CNTNAP2: variants seen among roughly 807,000 people sequenced by gnomAD.
CNTNAP2 encodes the protein contactin associated protein 2, also known as contactin-associated protein-like 2.
A neutral mutation model predicts 155.2 loss-of-function variants in CNTNAP2; 98 were observed. That is an observed-to-expected ratio of 0.63 (90% CI 0.54 to 0.75). The LOEUF is 0.75. CNTNAP2 is among the 30% of genes least tolerant of loss of function. The pLI is 0.00. For missense variants in CNTNAP2, 1,727 were observed against 1,688.1 expected (o/e 1.02, Z -0.40); for synonymous variants, 651 against 631.2 (o/e 1.03, Z -0.47).
chr7:146,721,398 C>T (rs344469), intron 1 of CNTNAP2, among the ~76,000 whole-genome samples: 24,940 of 107,442 alleles, frequency 0.23, 5,603 homozygotes, highest in African/African-American at 0.65. Flanking sequence ...ATTCTATATA[C>T]ATTCTATATA....
chr7:148,061,317 T>C (rs1039105333), intron 15 of CNTNAP2, among the ~76,000 whole-genome samples: 1 of 152,196 alleles, frequency 6.6e-6, no homozygotes, highest in African/African-American at 2.4e-5. Flanking sequence ...TTCTTAAGTA[T>C]GTAAGATAGA....
intron 8 of CNTNAP2, among the ~76,000 whole-genome samples, chr7:147,217,872 G>A (rs540960796): frequency 1.3e-5 from 2 of 151,940 alleles, no homozygotes; most frequent in Admixed American, 1.3e-4. Flanking sequence ...TTATTAGATA[G>A]ATTTTATTTT....
chr7:147,271,067 T>G (rs1804738386), intron 8 of CNTNAP2, among the ~76,000 whole-genome samples: 1 of 151,954 alleles, frequency 6.6e-6, no homozygotes, highest in Admixed American at 6.6e-5. Context: ...CTCATTACAC[T>G]TTGGGTAACG....
chr7:146,920,323 A>T (rs1585158066), intron 3 of CNTNAP2, among the ~76,000 whole-genome samples: 1 of 152,216 alleles, frequency 6.6e-6, no homozygotes, highest in East Asian at 1.9e-4. Context: ...TTGAGGCAGG[A>T]GAATCACTTG....
chr7:146,272,337 C>T (rs1800095352), intron 1 of CNTNAP2, among the ~76,000 whole-genome samples: 1 of 152,152 alleles, frequency 6.6e-6, no homozygotes, highest in South Asian at 2.1e-4. Flanking sequence ...TCCACCCTGT[C>T]TCTCCAATGG....
At chr7:147,519,507 C>G (rs1374561086) in intron 11 of CNTNAP2, among the ~76,000 whole-genome samples, 1 of 152,220 alleles carries the variant, frequency 6.6e-6, no homozygotes, top group Non-Finnish European at 1.5e-5. Context: ...GCAGCAACAT[C>G]TTGGGAAGTC....
Position 146,116,974 on chromosome 7 carries a change from G to GT in CNTNAP2, c.97+2dup, listed in dbSNP as rs762640925. The GT allele has an allele frequency of 1.3e-6, 2 of 1,550,360 alleles. No individual in the cohort carries two copies. The highest frequency in any genetic ancestry group is 1.2e-5 in the South Asian group (1 of 84,058). On this transcript the variant is annotated splice_donor_variant, in intron 1 of 23. Transcript: ENST00000361727. LOFTEE classifies it high-confidence loss of function. This position sits in a 1 kb window ranked among gnomAD's most constrained non-coding sequence, Gnocchi z 5.5. ...GCCTGGACGGCTCCCTCCACGTCCC[G>GT]TAAGTAGCCGTCTCCTCGCTCTGCT... is the stretch of plus-strand genomic sequence containing the variant.
chr7:146,451,541 T>G (rs1475768618), intron 1 of CNTNAP2, among the ~76,000 whole-genome samples: 1 of 152,098 alleles, frequency 6.6e-6, no homozygotes, highest in Non-Finnish European at 1.5e-5. Flanking sequence ...GGCTGCACAT[T>G]AGGTATAGTG....
intron 15 of CNTNAP2, among the ~76,000 whole-genome samples, chr7:148,031,455 G>C (rs1313276447): frequency 6.6e-6 from 1 of 152,130 alleles, no homozygotes; most frequent in African/African-American, 2.4e-5. Flanking sequence ...AAATTAGGTG[G>C]GAAGTCCGCT....
chr7:147,065,592 A>G (rs1338826076), intron 4 of CNTNAP2, among the ~76,000 whole-genome samples: 1 of 152,204 alleles, frequency 6.6e-6, no homozygotes, highest in East Asian at 1.9e-4. Context: ...TTGTGTGGAT[A>G]AAGTTTTCCT....
At chr7:148,411,851 ATG>A (rs148431158) in intron 23 of CNTNAP2, among the ~76,000 whole-genome samples, 46 of 147,792 alleles carry the variant, frequency 3.1e-4, no homozygotes, top group African/African-American at 7.1e-4. Flanking sequence ...CAACTGACAT[ATG>A]TGTGTGTGTG....
At chr7:147,291,945 A>G (rs1360081272) in intron 8 of CNTNAP2, among the ~76,000 whole-genome samples, 3 of 152,048 alleles carry the variant, frequency 2.0e-5, no homozygotes, top group Non-Finnish European at 2.9e-5. Context: ...CATTTTTTCC[A>G]GTGATTATTG....
At chr7:146,928,730 C>G (rs1585162662) in intron 3 of CNTNAP2, among the ~76,000 whole-genome samples, 1 of 152,262 alleles carries the variant, frequency 6.6e-6, no homozygotes, top group East Asian at 1.9e-4. Flanking sequence ...GTCACTCCCA[C>G]CCTAATACTG....
At chr7:148,067,700 A>G (rs1473172188) in intron 15 of CNTNAP2, among the ~76,000 whole-genome samples, 5 of 152,156 alleles carry the variant, frequency 3.3e-5, no homozygotes, top group Admixed American at 6.5e-5. Flanking sequence ...GATGGGTTGG[A>G]CCATAGCGCT....
At chr7:147,399,064 A>C (rs1409314364) in intron 10 of CNTNAP2, among the ~76,000 whole-genome samples, 1 of 152,064 alleles carries the variant, frequency 6.6e-6, no homozygotes, top group Non-Finnish European at 1.5e-5. Context: ...ATGCAGGGAA[A>C]GAACATTTGA....
At chr7:147,317,961 A>G (rs965610490) in intron 9 of CNTNAP2, among the ~76,000 whole-genome samples, 1 of 151,994 alleles carries the variant, frequency 6.6e-6, no homozygotes, top group African/African-American at 2.4e-5. Flanking sequence ...TCACTGTAAA[A>G]GAAAGTAAAA....
At chr7:147,995,966 T>C (rs997957812) in intron 15 of CNTNAP2, among the ~76,000 whole-genome samples, 4 of 152,208 alleles carry the variant, frequency 2.6e-5, no homozygotes, top group African/African-American at 9.6e-5. Flanking sequence ...AAAATGCAAA[T>C]GCAGGACCAT....
chr7:148,083,443 G>A (rs894496595), intron 15 of CNTNAP2, among the ~76,000 whole-genome samples: 2 of 152,144 alleles, frequency 1.3e-5, no homozygotes, highest in African/African-American at 4.8e-5. Context: ...TTCCGAGGGT[G>A]GGAGTGAAGA....
intron 10 of CNTNAP2, among the ~76,000 whole-genome samples, chr7:147,436,935 A>G (rs934967583): frequency 2.0e-5 from 3 of 152,198 alleles, no homozygotes; most frequent in Admixed American, 2.0e-4. Context: ...AAAAAGGTTT[A>G]CATCTCAATC....
Sources: allele counts gnomAD v4.1 joint callset (sites outside exome capture counted in the v4.1 genomes callset), GRCh38; gene constraint gnomAD v4.1.1; non-coding constraint Gnocchi (gnomAD v3.1); transcripts MANE v1.5; gene names NCBI Gene and HGNC (gene_info 2026-07-23, HGNC 2026-07-21).